The following RCAN2 variants were observed in gnomAD, a reference collection of about 807,000 sequenced individuals.
The protein encoded by RCAN2 is regulator of calcineurin 2, also known as calcipressin-2.
Under a neutral mutation model 23.6 loss-of-function variants are expected in RCAN2, and 9 were observed. The ratio of observed to expected loss-of-function variants is 0.38; its 90% confidence interval spans 0.23 to 0.67. The LOEUF (loss-of-function observed/expected upper bound fraction) is 0.67, where lower values mean the gene tolerates loss of function less well. Ranked by LOEUF, RCAN2 falls within the 30% of genes least tolerant of loss-of-function variation. The pLI is 0.51. For missense variants in RCAN2, 273 were observed against 302.3 expected, an observed-to-expected ratio of 0.90 and a Z score of 0.72; for synonymous variants, 109 against 115.7, an observed-to-expected ratio of 0.94 and a Z score of 0.37.
intron 4 of RCAN2, among the ~76,000 whole-genome samples, chr6:46,231,706 G>A (rs879885198): frequency 3.9e-5 from 6 of 152,228 alleles, no homozygotes; most frequent in Admixed American, 2.0e-4. Flanking sequence ...CACCACGCCC[G>A]GAGGTTTGTT....
chr6:46,287,934 T>C (rs1373232396), intron 2 of RCAN2, among the ~76,000 whole-genome samples: 1 of 152,236 alleles, frequency 6.6e-6, no homozygotes, highest in Non-Finnish European at 1.5e-5. Flanking sequence ...ATGAAAGTGC[T>C]GTAAACGACA....
At chr6:46,250,744 T>G (rs1221997361) in intron 2 of RCAN2, among the ~76,000 whole-genome samples, 1 of 152,204 alleles carries the variant, frequency 6.6e-6, no homozygotes, top group African/African-American at 2.4e-5. Context: ...TAAGAGCATT[T>G]ATATTTAATT....
intron 2 of RCAN2, among the ~76,000 whole-genome samples, chr6:46,383,328 C>T (rs986034087): frequency 4.0e-5 from 6 of 151,832 alleles, no homozygotes; most frequent in African/African-American, 9.7e-5. Context: ...GAGGAGGAAG[C>T]GTATCTGGGA....
intron 1 of RCAN2, among the ~76,000 whole-genome samples, chr6:46,486,937 C>T (rs554878758): frequency 6.6e-6 from 1 of 152,212 alleles, no homozygotes; most frequent in Middle Eastern, 3.4e-3. Flanking sequence ...AAGCTGCTTC[C>T]ATCTTTAAAA....
chr6:46,467,692 G>T (rs891342189), intron 1 of RCAN2, among the ~76,000 whole-genome samples: 1 of 152,216 alleles, frequency 6.6e-6, no homozygotes, highest in African/African-American at 2.4e-5. Flanking sequence ...TATGCAATGT[G>T]GGAACCACAG....
chr6:46,427,332 T>C (rs1422404298), intron 2 of RCAN2, among the ~76,000 whole-genome samples: 3 of 152,186 alleles, frequency 2.0e-5, no homozygotes, highest in Non-Finnish European at 4.4e-5. Flanking sequence ...GAAACAGACC[T>C]TTTAGGCCCA....
At chr6:46,406,218 G>A (rs1015682628) in intron 2 of RCAN2, among the ~76,000 whole-genome samples, 2 of 152,238 alleles carry the variant, frequency 1.3e-5, no homozygotes, top group African/African-American at 2.4e-5. Flanking sequence ...CTCTCACAGT[G>A]CAGCGGCGGG....
chr6:46,272,558 T>C (rs185346721), intron 2 of RCAN2, among the ~76,000 whole-genome samples: 30 of 152,334 alleles, frequency 2.0e-4, no homozygotes, highest in Non-Finnish European at 3.2e-4. Flanking sequence ...TAACTACTTT[T>C]ATGTATATTA....
chr6:46,334,118 AAAT>A (rs1235346739), intron 2 of RCAN2, among the ~76,000 whole-genome samples: 3 of 152,214 alleles, frequency 2.0e-5, no homozygotes, highest in Non-Finnish European at 4.4e-5. Context: ...GTCTCTGCTT[AAAT>A]GTCCCTCCTC....
intron 2 of RCAN2, among the ~76,000 whole-genome samples, chr6:46,289,648 T>TG (rs1347519214): frequency 6.6e-6 from 1 of 152,102 alleles, no homozygotes; most frequent in Non-Finnish European, 1.5e-5. Context: ...AATAGTGAAA[T>TG]GGGGAATCAT....
intron 2 of RCAN2, among the ~76,000 whole-genome samples, chr6:46,320,541 T>A (rs1359702779): frequency 1.3e-5 from 2 of 152,142 alleles, no homozygotes; most frequent in South Asian, 4.1e-4. Context: ...AGGTATACTA[T>A]CGTGTAAAAA....
intron 2 of RCAN2, among the ~76,000 whole-genome samples, chr6:46,339,287 C>A (rs1022139275): frequency 6.6e-6 from 1 of 151,904 alleles, no homozygotes; most frequent in Non-Finnish European, 1.5e-5. Flanking sequence ...GATATGAATA[C>A]AAAATACAGT....
chr6:46,248,532 C>A (rs1766600070), intron 3 of RCAN2, among the ~76,000 whole-genome samples, 191 bp downstream of exon 3: 1 of 151,992 alleles, frequency 6.6e-6, no homozygotes, highest in Non-Finnish European at 1.5e-5. Flanking sequence ...CTCTGGTAGG[C>A]AGCTCTCAGA....
chr6:46,235,301 C>G (rs768948774), intron 4 of RCAN2, among the ~76,000 whole-genome samples: 1 of 152,106 alleles, frequency 6.6e-6, no homozygotes, highest in Non-Finnish European at 1.5e-5. Flanking sequence ...TGGACAAAGT[C>G]TTTGTATGTG....
At chr6:46,446,928 A>G (rs1767729858) in intron 2 of RCAN2, among the ~76,000 whole-genome samples, 1 of 152,108 alleles carries the variant, frequency 6.6e-6, no homozygotes, top group Non-Finnish European at 1.5e-5. Flanking sequence ...AGAAAGGAAC[A>G]ACAGATCTAC....
intron 2 of RCAN2, among the ~76,000 whole-genome samples, chr6:46,262,033 T>C (rs1224732216): frequency 6.6e-6 from 1 of 152,140 alleles, no homozygotes. Flanking sequence ...CTTTCTCCTC[T>C]TCTCCCAACA....
At chr6:46,433,057 A>G (rs1767262280) in intron 2 of RCAN2, among the ~76,000 whole-genome samples, 1 of 152,206 alleles carries the variant, frequency 6.6e-6, no homozygotes, top group African/African-American at 2.4e-5. Context: ...CTTTGGGTGA[A>G]TAACTTTTTT....
chr6:46,405,595 T>G (rs1762933125), intron 2 of RCAN2, among the ~76,000 whole-genome samples: 1 of 152,194 alleles, frequency 6.6e-6, no homozygotes, highest in African/African-American at 2.4e-5. Flanking sequence ...ATTGGTGCAC[T>G]CACAAACCTT....
intron 2 of RCAN2, among the ~76,000 whole-genome samples, chr6:46,380,209 G>T (rs550899207): frequency 6.6e-6 from 1 of 152,120 alleles, no homozygotes; most frequent in Non-Finnish European, 1.5e-5. Context: ...AGAAAGGTCT[G>T]GGGAAACCCC....
Sources: allele counts gnomAD v4.1 joint callset (sites outside exome capture counted in the v4.1 genomes callset), GRCh38; gene constraint gnomAD v4.1.1; transcripts MANE v1.5; gene names NCBI Gene and HGNC (gene_info 2026-07-23, HGNC 2026-07-21).